CTNNA2: variants seen among roughly 807,000 people sequenced by gnomAD.
CTNNA2 encodes the protein catenin alpha-2.
Under a neutral mutation model 101.0 loss-of-function variants are expected in CTNNA2, and 42 were observed. The observed-to-expected ratio is 0.42, with a 90% CI of 0.32 to 0.54. The LOEUF is 0.54. Ranked by LOEUF, CTNNA2 falls within the 20% of genes least tolerant of loss-of-function variation. CTNNA2 has a pLI of 0.14. For missense variants in CTNNA2, 871 were observed against 1,223.1 expected (o/e 0.71, Z 4.29); for synonymous variants, 450 against 456.4 (o/e 0.99, Z 0.18).
intron 2 of CTNNA2, among the ~76,000 whole-genome samples, chr2:79,245,073 C>A (rs1329915842): frequency 1.4e-5 from 2 of 145,568 alleles, no homozygotes; most frequent in Non-Finnish European, 3.0e-5. Flanking sequence ...CCAGCCTGGA[C>A]AACAAGAGTG....
intron 4 of CTNNA2, among the ~76,000 whole-genome samples, chr2:79,482,692 G>A (rs201788975): frequency 6.6e-6 from 1 of 152,142 alleles, no homozygotes; most frequent in Non-Finnish European, 1.5e-5. Context: ...GCTAAAGAAG[G>A]ATTCACCAGC....
rs149975178 is a variant in CTNNA2 at position 79,702,865 on chromosome 2, G to A, written c.103-41522G>A. On this transcript the variant is annotated intron_variant, in intron 2 of 18. Coordinates refer to ENST00000402739, the MANE Select transcript of CTNNA2 (RefSeq NM_001282597.3). ...GTCACCTTATGTTACTGCTACGAAA[G>A]TCTAAACTGTGGGCTTGATTGTGAT... Among the ~76,000 whole-genome samples, 674 of 152,280 alleles carry A rather than the reference G, an allele frequency of 4.4e-3. 6 individuals carry two copies. Among genetic ancestry groups the A allele is most frequent in the African/African-American group, 0.015 (644 of 41,576 alleles).
intron 3 of CTNNA2, among the ~76,000 whole-genome samples, chr2:79,769,334 C>T (rs1389997126): frequency 6.6e-6 from 1 of 152,068 alleles, no homozygotes; most frequent in East Asian, 1.9e-4. Flanking sequence ...AATGCATTTT[C>T]CTTGGGCCAG....
chr2:79,632,935 T>G (rs140206745), intron 1 of CTNNA2, among the ~76,000 whole-genome samples: 1 of 152,182 alleles, frequency 6.6e-6, no homozygotes, highest in Non-Finnish European at 1.5e-5. Context: ...AGAGTATAGA[T>G]GGCATGAAAA....
chr2:79,384,447 A>G (rs1678075815), intron 4 of CTNNA2, among the ~76,000 whole-genome samples: 2 of 138,700 alleles, frequency 1.4e-5, no homozygotes, highest in Non-Finnish European at 1.5e-5. Flanking sequence ...TTTATTCCAA[A>G]GTAAGGCATC....
At chr2:80,290,679 A>G (rs574541666) in intron 7 of CTNNA2, among the ~76,000 whole-genome samples, 1 of 152,212 alleles carries the variant, frequency 6.6e-6, no homozygotes, top group African/African-American at 2.4e-5. Flanking sequence ...CTATATGTAT[A>G]TCTGTGGTTT....
At chr2:80,183,603 G>C (rs1300298766) in intron 7 of CTNNA2, among the ~76,000 whole-genome samples, 2 of 152,110 alleles carry the variant, frequency 1.3e-5, no homozygotes. Context: ...AAATAAGTTT[G>C]ATTTAATGCA....
chr2:79,303,197 C>G (rs1676153797), intron 2 of CTNNA2, among the ~76,000 whole-genome samples: 1 of 152,092 alleles, frequency 6.6e-6, no homozygotes, highest in Non-Finnish European at 1.5e-5. Context: ...GTCTTCAACT[C>G]ACACTCTGAT....
intron 3 of CTNNA2, among the ~76,000 whole-genome samples, chr2:79,823,450 G>A (rs1470518775): frequency 6.6e-6 from 1 of 152,112 alleles, no homozygotes; most frequent in African/African-American, 2.4e-5. Context: ...CCTGGGAGGC[G>A]GAGGTTGCAG....
intron 9 of CTNNA2, among the ~76,000 whole-genome samples, chr2:80,465,050 C>T (rs79450546): frequency 0.03 from 4,624 of 152,226 alleles, 223 homozygotes; most frequent in African/African-American, 0.1. Context: ...ATTCACCCTG[C>T]TCCATTGGGA....
At chr2:79,192,042 C>G (rs1348887440) in intron 1 of CTNNA2, among the ~76,000 whole-genome samples, 2 of 151,930 alleles carry the variant, frequency 1.3e-5, no homozygotes, top group Non-Finnish European at 2.9e-5. Flanking sequence ...AGGTGCGAAG[C>G]TATTGGTTGA....
intron 7 of CTNNA2, among the ~76,000 whole-genome samples, chr2:80,214,467 T>A (rs879647887): frequency 6.6e-6 from 1 of 152,178 alleles, no homozygotes; most frequent in Non-Finnish European, 1.5e-5. Context: ...CTCCTTCACT[T>A]ATGAACCTTA....
At chr2:80,306,803 A>AT (rs1035576781) in intron 7 of CTNNA2, among the ~76,000 whole-genome samples, 2 of 151,902 alleles carry the variant, frequency 1.3e-5, no homozygotes, top group Non-Finnish European at 2.9e-5. Flanking sequence ...TAGGAAAAAA[A>AT]AAAATCCTCC....
chr2:80,453,658 A>C (rs559264374), intron 9 of CTNNA2, among the ~76,000 whole-genome samples: 1 of 152,210 alleles, frequency 6.6e-6, no homozygotes, highest in South Asian at 2.1e-4. Context: ...ACTACAGAAC[A>C]TATATCTGTT....
At chr2:80,486,479 CATT>C (rs1686594356) in intron 9 of CTNNA2, among the ~76,000 whole-genome samples, 1 of 151,978 alleles carries the variant, frequency 6.6e-6, no homozygotes, top group Non-Finnish European at 1.5e-5. Context: ...AGTACATGTT[CATT>C]ATTAAAAATT....
chr2:80,491,809 G>T (rs1047720594), intron 9 of CTNNA2, among the ~76,000 whole-genome samples: 1 of 152,112 alleles, frequency 6.6e-6, no homozygotes, highest in African/African-American at 2.4e-5. Context: ...TCTCACTTCC[G>T]ACTGTGAGTT....
chr2:79,702,642 T>C (rs1685088334), intron 2 of CTNNA2, among the ~76,000 whole-genome samples: 1 of 152,222 alleles, frequency 6.6e-6, no homozygotes, highest in Non-Finnish European at 1.5e-5. Flanking sequence ...TTGCCTCCTT[T>C]CATATTTTCT....
At chr2:80,062,206 A>T (rs571888448) in intron 7 of CTNNA2, among the ~76,000 whole-genome samples, 29 of 152,240 alleles carry the variant, frequency 1.9e-4, no homozygotes, top group Non-Finnish European at 3.7e-4. Flanking sequence ...AAAGAAAAAA[A>T]TGCCAGTGTT....
chr2:79,589,656 A>G (rs1183369791), intron 1 of CTNNA2, among the ~76,000 whole-genome samples: 1 of 152,110 alleles, frequency 6.6e-6, no homozygotes, highest in Non-Finnish European at 1.5e-5. Context: ...GATTAAGGAG[A>G]GAACGATGTA....
Sources: gnomAD v4.1 joint callset for allele counts (sites outside exome capture counted in the v4.1 genomes callset) on GRCh38, gnomAD v4.1.1 for gene constraint, MANE v1.5 for transcripts, NCBI Gene and HGNC (gene_info 2026-07-23, HGNC 2026-07-21) for gene names.